Variants in FBXL8 observed in about 807,000 individuals in gnomAD.
FBXL8 encodes F-box and leucine rich repeat protein 8.
Under a neutral mutation model 8.2 loss-of-function variants are expected in FBXL8, and 13 were observed. The observed-to-expected ratio is 1.58, with a 90% CI of 1.03 to 2.51. The LOEUF is 2.51. Among genes scored for constraint, FBXL8 ranks in the 30% most tolerant of loss-of-function variants. FBXL8 has a pLI of 0.00. For synonymous variants in FBXL8, 271 were observed against 260.5 expected (o/e 1.04, Z -0.39); for missense variants, 565 against 540.4 (o/e 1.05, Z -0.45).
Position 67,163,726 on chromosome 16 carries a change from T to G in FBXL8, c.1031T>G (p.Leu344Arg). 6.3e-7 allele frequency: 1 copy of G among 1,596,586 alleles called. No individual in the cohort carries two copies. The highest frequency in any genetic ancestry group is 8.5e-7 in the Non-Finnish European group (1 of 1,178,578). The change falls in exon 3 of 3, where the codon CTG (leucine) becomes CGG (arginine). Residue 344 changes from leucine (L) to arginine (R), a missense_variant. By Grantham distance (102) the Leu-to-Arg change is moderately radical. Coordinates refer to ENST00000258200, the MANE Select transcript of FBXL8 (RefSeq NM_018378.3). ...HCFCVVSHSV[L>R]DAFRAHCPRL... ...TTCTGCGTGGTGAGCCACTCGGTGC[T>G]GGACGCCTTCCGCGCGCACTGCCCG...
chr16:67,163,436 C>T lies in FBXL8; in HGVS notation c.741C>T (p.Arg247=), dbSNP rs1266804262. Residue 247 remains arginine, a synonymous_variant, in exon 3 of 3, where the codon CGC becomes CGT. Coordinates refer to ENST00000258200, the MANE Select transcript of FBXL8 (RefSeq NM_018378.3). ...LPNEAWVALR[R]RHPGLAVELE... ...ACGAAGCCTGGGTCGCGTTGCGCCG[C>T]CGCCACCCTGGGCTGGCAGTGGAGC... is the stretch of plus-strand genomic sequence containing the variant. The T allele has an allele frequency of 3.9e-6, 6 of 1,536,022 alleles. No individual in the cohort carries two copies. Among genetic ancestry groups the T allele is most frequent in the Non-Finnish European group, 4.4e-6 (5 of 1,146,804 alleles).
chr16:67,162,002 T>G, intron 2 of FBXL8, 65 bp downstream of exon 2: 1 of 1,477,782 alleles, frequency 6.8e-7, no homozygotes, highest in Non-Finnish European at 9.0e-7. Context: ...AGTCGTGGGC[T>G]AGGTAGATAT....
In FBXL8 at chr16:67,162,902, C is replaced by A; in HGVS notation, c.207C>A (p.Asp69Glu). The change falls in exon 3 of 3, where the codon GAC (aspartate) becomes GAA (glutamate). Residue 69 changes from aspartate to glutamate, a missense_variant. Transcript: ENST00000258200. ...MLPPYLSACL[D>E]HIHNLRLEFE... ...CACCTTATCTGTCCGCCTGCCTCGA[C>A]CACATTCACAACCTACGGCTGGAAT... is the stretch of plus-strand genomic sequence containing the variant. 6.4e-7 allele frequency: 1 copy of A among 1,552,922 alleles called. No individual in the cohort carries two copies. The highest frequency in any genetic ancestry group is 1.2e-5 in the South Asian group (1 of 84,162).
chr16:67,163,033 A>G lies in FBXL8; in HGVS notation c.338A>G (p.Glu113Gly). Residue 113 changes from glutamate (E) to glycine (G), a missense_variant, in exon 3 of 3, where the codon GAA becomes GGA. Physicochemically the swap from Glu to Gly is moderately conservative, Grantham distance 98. Transcript: ENST00000258200. ...LRGLRLECRG[E>G]KPLFDAGRDV... is the part of the protein sequence containing the mutation. ...GGCCTGCGCCTGGAGTGCCGCGGAG[A>G]AAAACCGCTCTTCGACGCGGGCCGC... The G allele has an allele frequency of 6.4e-7, 1 of 1,562,546 alleles. No individual in the cohort carries two copies. The highest frequency in any genetic ancestry group is 8.7e-7 in the Non-Finnish European group (1 of 1,153,162).
chr16:67,162,821 G>A, intron 2 of FBXL8, 27 bp from the exon 3 acceptor site: 1 of 1,549,798 alleles, frequency 6.5e-7, no homozygotes, highest in South Asian at 1.2e-5. Context: ...CTCAGCTGAG[G>A]CCTTTTCTGC....
chr16:67,162,209 A>C, intron 2 of FBXL8: 2 of 387,730 alleles, frequency 5.2e-6, no homozygotes, highest in Non-Finnish European at 9.3e-6. Flanking sequence ...GGCGCCTATA[A>C]TTCTAGCTAC....
chr16:67,163,880 G>GC lies in FBXL8; in HGVS notation c.*60_*61insC. 1.3e-6 allele frequency: 2 copies of GC among 1,526,800 alleles called. No individual in the cohort carries two copies. Among genetic ancestry groups the GC allele is most frequent in the Non-Finnish European group, 1.7e-6 (2 of 1,145,016 alleles). The allele number at this position is 1,526,800 out of a possible 1,614,324, so 94.6% of individuals were successfully genotyped here. A position where few individuals can be genotyped will look rare whatever the true frequency, so the allele number is the denominator to read the frequency against. ...AAGCGCTCTGAGAGGGAACGGGGGG[G>GC]GTGTCCAGGCGCGCCCCGAGTGCTA... is the stretch of plus-strand genomic sequence containing the variant. On this transcript the variant is annotated 3_prime_UTR_variant, in exon 3 of 3. Coordinates refer to ENST00000258200, the MANE Select transcript of FBXL8 (RefSeq NM_018378.3).
At position 67,163,216 on chromosome 16, in the gene FBXL8, T is replaced by C; in HGVS notation, c.521T>C (p.Leu174Pro). ...AGCCTTTTTCTGGACAACAGTACCC[T>C]AGTGGGCAGCGTGGGTCCCGGCTCA... The part of the protein sequence containing the change: ...LHSLFLDNST[L>P]VGSVGPGSVL... The change falls in exon 3 of 3, where the codon CTA (leucine) becomes CCA (proline). Residue 174 changes from leucine (L) to proline (P), a missense_variant. Leu to Pro is a moderately conservative substitution (Grantham distance 98). Transcript: ENST00000258200. The C allele has an allele frequency of 3.8e-6, 6 of 1,566,818 alleles. No homozygotes were observed. The highest frequency in any genetic ancestry group is 5.2e-6 in the Non-Finnish European group (6 of 1,156,834).
intron 2 of FBXL8, 80 bp from the exon 3 acceptor site, chr16:67,162,768 C>T: frequency 1.9e-6 from 3 of 1,542,184 alleles, no homozygotes; most frequent in Non-Finnish European, 2.6e-6. Context: ...AGCTGGAACC[C>T]CAGCTAAGGG....
rs2031020511 is a variant in FBXL8, at chr16:67,163,585, A to G, written c.890A>G (p.His297Arg). Residue 297 changes from histidine to arginine, a missense_variant, in exon 3 of 3, where the codon CAC becomes CGC. His to Arg is a conservative substitution (Grantham distance 29, BLOSUM62 0). Coordinates refer to ENST00000258200, the MANE Select transcript of FBXL8 (RefSeq NM_018378.3). ...DTVGPVRFAA[H>R]HYAATLCALE... is the part of the protein sequence containing the mutation. Reference sequence around the variant, plus strand: ...GTAGGCCCAGTGCGCTTCGCAGCACACCACTACGCCGCAACCCTGTGCGCG... The same window carrying G: ...GTAGGCCCAGTGCGCTTCGCAGCACGCCACTACGCCGCAACCCTGTGCGCG... 1 of 1,579,344 alleles carries G rather than the reference A, an allele frequency of 6.3e-7. No individual in the cohort carries two copies. Among genetic ancestry groups the G allele is most frequent in the South Asian group, 1.1e-5 (1 of 88,870 alleles).
At chr16:67,162,507 C>T in intron 2 of FBXL8, 1 of 685,262 alleles carries the variant, frequency 1.5e-6, no homozygotes. Flanking sequence ...AATCACTTCC[C>T]ACGGGTCACT....
Position 67,163,237 on chromosome 16 carries a change from G to T in FBXL8, c.542G>T (p.Gly181Val). Residue 181 changes from glycine to valine, a missense_variant, in exon 3 of 3, where the codon GGC (glycine) becomes GTC (valine). By Grantham distance (109) the Gly-to-Val change is moderately radical (BLOSUM62 -3). Transcript: ENST00000258200. ...ACCCTAGTGGGCAGCGTGGGTCCCG[G>T]CTCAGTGCTCGAGCTACTGGAGGCC... ...NSTLVGSVGP[G>V]SVLELLEACP... 1.9e-6 allele frequency: 3 copies of T among 1,566,046 alleles called. No homozygotes were observed. In the South Asian group the frequency reaches 3.5e-5, roughly 18 times the overall value.
In FBXL8 at chr16:67,163,218, G is replaced by C; in HGVS notation, c.523G>C (p.Val175Leu). Residue 175 changes from valine (V) to leucine (L), a missense_variant, in exon 3 of 3, where the codon GTG (valine) becomes CTG (leucine). Physicochemically the swap from Val to Leu is conservative, Grantham distance 32. Transcript: ENST00000258200. ...HSLFLDNSTL[V>L]GSVGPGSVLE... is the part of the protein sequence containing the mutation. ...CCTTTTTCTGGACAACAGTACCCTAGTGGGCAGCGTGGGTCCCGGCTCAGT... is the reference window on the plus strand; with the variant it reads ...CCTTTTTCTGGACAACAGTACCCTACTGGGCAGCGTGGGTCCCGGCTCAGT... The C allele has an allele frequency of 1.9e-6, 3 of 1,565,884 alleles. No homozygotes were observed. The highest frequency in any genetic ancestry group is 2.6e-6 in the Non-Finnish European group (3 of 1,156,356).
rs200404151 is a variant in FBXL8, at chr16:67,163,728, G to C, written c.1033G>C (p.Asp345His). ...CTGCGTGGTGAGCCACTCGGTGCTG[G>C]ACGCCTTCCGCGCGCACTGCCCGCG... Reference protein sequence around the residue: ...CFCVVSHSVLDAFRAHCPRLR... With the variant: ...CFCVVSHSVLHAFRAHCPRLR... Residue 345 changes from aspartate (D) to histidine (H), a missense_variant, in exon 3 of 3, where the codon GAC becomes CAC. Transcript: ENST00000258200. 2.2e-4 allele frequency: 343 copies of C among 1,594,736 alleles called. No homozygotes were observed. Among genetic ancestry groups the C allele is most frequent in the Non-Finnish European group, 2.5e-4 (294 of 1,177,934 alleles).
At position 67,162,952 on chromosome 16, in the gene FBXL8, G is replaced by C; in HGVS notation, c.257G>C (p.Arg86Pro). ...LEFEPSRKPS[R>P]RAAIELLMVL... Reference sequence around the variant, plus strand: ...TTTGAGCCATCGAGGAAGCCGAGCCGCCGGGCGGCCATCGAGCTGCTGATG... The same window carrying C: ...TTTGAGCCATCGAGGAAGCCGAGCCCCCGGGCGGCCATCGAGCTGCTGATG... Residue 86 changes from arginine to proline, a missense_variant, in exon 3 of 3, where the codon CGC becomes CCC. Coordinates refer to ENST00000258200, the MANE Select transcript of FBXL8 (RefSeq NM_018378.3). The C allele has an allele frequency of 6.4e-7, 1 of 1,559,546 alleles. No individual in the cohort carries two copies. Among genetic ancestry groups the C allele is most frequent in the Non-Finnish European group, 8.7e-7 (1 of 1,151,664 alleles).
chr16:67,163,492 G>A lies in FBXL8; in HGVS notation c.797G>A (p.Ser266Asn). Reference sequence around the variant, plus strand: ...CTGGAGCCCGCGCTGCCCGCTGAGAGCGTGACGCGCGTCCTGCAGCCAGCC... The same window carrying A: ...CTGGAGCCCGCGCTGCCCGCTGAGAACGTGACGCGCGTCCTGCAGCCAGCC... ...LELEPALPAE[S>N]VTRVLQPAVP... The change falls in exon 3 of 3, where the codon AGC becomes AAC. Residue 266 changes from serine to asparagine, a missense_variant. Ser to Asn is a conservative substitution (Grantham distance 46). Coordinates refer to ENST00000258200, the MANE Select transcript of FBXL8 (RefSeq NM_018378.3). The A allele has an allele frequency of 6.5e-7, 1 of 1,539,340 alleles. No individual in the cohort carries two copies. The highest frequency in any genetic ancestry group is 1.4e-5 in the African/African-American group (1 of 72,942).
At chr16:67,161,708 A>G in intron 1 of FBXL8, 27 bp from the exon 2 acceptor site, 1 of 1,448,632 alleles carries the variant, frequency 6.9e-7, no homozygotes, top group Non-Finnish European at 9.2e-7. Context: ...CGCCTTCCCG[A>G]CCTCAGAGAC....
rs2030989760 is a variant in FBXL8, at chr16:67,163,236, G to A, written c.541G>A (p.Gly181Ser). Residue 181 changes from glycine (G) to serine (S), a missense_variant, in exon 3 of 3, where the codon GGC (glycine) becomes AGC (serine). Gly to Ser is a moderately conservative substitution (Grantham distance 56). Coordinates refer to ENST00000258200, the MANE Select transcript of FBXL8 (RefSeq NM_018378.3). ...NSTLVGSVGP[G>S]SVLELLEACP... ...TACCCTAGTGGGCAGCGTGGGTCCC[G>A]GCTCAGTGCTCGAGCTACTGGAGGC... The A allele has an allele frequency of 6.4e-7, 1 of 1,566,696 alleles. No individual in the cohort carries two copies. Among genetic ancestry groups the A allele is most frequent in the Non-Finnish European group, 8.6e-7 (1 of 1,156,808 alleles).
At position 67,163,789 on chromosome 16, in the gene FBXL8, C is replaced by A. The variant is rs774618366; in HGVS notation, c.1094C>A (p.Pro365Gln). The A allele has an allele frequency of 1.3e-6, 2 of 1,567,264 alleles. No homozygotes were observed. Among genetic ancestry groups the A allele is most frequent in the Non-Finnish European group, 1.7e-6 (2 of 1,165,774 alleles). The change falls in exon 3 of 3, where the codon CCG becomes CAG. Residue 365 changes from proline (P) to glutamine (Q), a missense_variant. Physicochemically the swap from Pro to Gln is moderately conservative, Grantham distance 76. Transcript: ENST00000258200. The part of the protein sequence containing the change: ...RTYTLKLTRE[P>Q]HPWRPTLVA ...TATACCCTCAAGCTCACGCGCGAGC[C>A]GCATCCCTGGAGGCCTACGCTCGTG...
Sources: allele counts gnomAD v4.1 joint callset, GRCh38; gene constraint gnomAD v4.1.1; transcripts MANE v1.5; gene names NCBI Gene and HGNC (gene_info 2026-07-23, HGNC 2026-07-21).